NCAM1: variants seen among roughly 807,000 people sequenced by gnomAD.
NCAM1 encodes the protein antigen recognized by monoclonal antibody 5.1H11.
NCAM1 carries 14 observed loss-of-function variants against 109.8 expected under a neutral mutation model. The ratio of observed to expected loss-of-function variants is 0.13; its 90% CI spans 0.08 to 0.20. NCAM1 has a LOEUF of 0.20. Ranked by LOEUF, NCAM1 falls within the 10% of genes least tolerant of loss-of-function variation. The probability of loss-of-function intolerance (pLI) is 1.00; values close to 1 mark genes in which losing one functional copy is unlikely to be tolerated. For missense variants in NCAM1, 774 were observed against 1,109.9 expected, an observed-to-expected ratio of 0.70 and a Z score of 4.30; for synonymous variants, 418 against 442.9, an observed-to-expected ratio of 0.94 and a Z score of 0.70.
At chr11:113,255,272 G>T (rs1363825021) in intron 15 of NCAM1, among the ~76,000 whole-genome samples, 7 of 152,166 alleles carry the variant, frequency 4.6e-5, no homozygotes, top group African/African-American at 7.2e-5. Flanking sequence ...GGGGCAAGTT[G>T]TGATTTATTT....
At chr11:113,211,182 TC>T (rs1331657708) in intron 7 of NCAM1, among the ~76,000 whole-genome samples, 2 of 152,150 alleles carry the variant, frequency 1.3e-5, no homozygotes, top group African/African-American at 4.8e-5. Context: ...CTCTTTTATT[TC>T]CTTTCCAGCC....
chr11:113,271,523 C>T (rs949044835), intron 18 of NCAM1, among the ~76,000 whole-genome samples: 1 of 152,076 alleles, frequency 6.6e-6, no homozygotes, highest in Admixed American at 6.5e-5. Flanking sequence ...ATTCTCATAA[C>T]TAGGCAAAGT....
chr11:113,224,851 G>A (rs623617), intron 9 of NCAM1, among the ~76,000 whole-genome samples: 53,409 of 152,108 alleles, frequency 0.35, 12,780 homozygotes, highest in African/African-American at 0.69. Context: ...GGCAAACTCC[G>A]ACAGACCTGC....
chr11:113,207,319 G>A lies in NCAM1; in HGVS notation c.687G>A (p.Gln229=). 6.2e-7 allele frequency: 1 copy of A among 1,614,046 alleles called. No homozygotes were observed. The highest frequency in any genetic ancestry group is 8.5e-7 in the Non-Finnish European group (1 of 1,179,902). The change falls in exon 6 of 20, where the codon CAG becomes CAA. Residue 229 remains glutamine (Q), a synonymous_variant. Coordinates refer to ENST00000316851, the MANE Select transcript of NCAM1 (RefSeq NM_181351.5). ...NIVNATANLG[Q]SVTLVCDAEG... is the part of the protein sequence containing the mutation. ...TGAATGCCACCGCCAACCTCGGCCA[G>A]TCCGTCACCCTGGTGTGCGATGCCG...
chr11:113,236,270 T>C, intron 14 of NCAM1: 1 of 1,613,054 alleles, frequency 6.2e-7, no homozygotes, highest in Non-Finnish European at 8.5e-7. Flanking sequence ...GTTTTTTCTT[T>C]TCGTCTGTGT....
intron 1 of NCAM1, among the ~76,000 whole-genome samples, chr11:113,170,805 T>G (rs1265540455): frequency 6.6e-6 from 1 of 152,176 alleles, no homozygotes; most frequent in Non-Finnish European, 1.5e-5. Context: ...AGAATTCTCT[T>G]TGGTGGAAAA....
Position 113,271,848 on chromosome 11 carries a change from A to G in NCAM1, c.2428A>G (p.Asn810Asp). Residue 810 changes from asparagine to aspartate, a missense_variant, in exon 19 of 20, where the codon AAC (asparagine) becomes GAC (aspartate). Physicochemically the swap from Asn to Asp is conservative, Grantham distance 23. Around this residue, in one of 4 missense-constraint regions of NCAM1, gnomAD observed 122 missense variants for 129.7 expected, o/e 0.94. Coordinates refer to ENST00000316851, the MANE Select transcript of NCAM1 (RefSeq NM_181351.5). The part of the protein sequence containing the change: ...NHDGGKHTEP[N>D]ETTPLTEPEK... ...TGATGGAGGGAAACACACAGAGCCCAACGAGACCACGCCACTGACGGAGCC... is the reference window on the plus strand; with the variant it reads ...TGATGGAGGGAAACACACAGAGCCCGACGAGACCACGCCACTGACGGAGCC... The G allele has an allele frequency of 1.9e-6, 3 of 1,571,860 alleles. No individual in the cohort carries two copies. The highest frequency in any genetic ancestry group is 2.6e-6 in the Non-Finnish European group (3 of 1,158,980).
rs1269756854 is a variant in NCAM1, at chr11:113,140,762, T to G, written c.53-61617T>G. 1.3e-5 allele frequency among the ~76,000 whole-genome samples: 2 copies of G among 152,242 alleles called. 1 individual carries two copies. Among genetic ancestry groups the G allele is most frequent in the Non-Finnish European group, 2.9e-5 (2 of 68,046 alleles). On this transcript the variant is annotated intron_variant, in intron 1 of 19. Coordinates refer to ENST00000316851, the MANE Select transcript of NCAM1 (RefSeq NM_181351.5). ...ATTTGTAAGTAACTTTTGCGTGTTCTCCTTCCATATATGTGTATTTATTGT... is the reference window on the plus strand; with the variant it reads ...ATTTGTAAGTAACTTTTGCGTGTTCGCCTTCCATATATGTGTATTTATTGT...
intron 7 of NCAM1, among the ~76,000 whole-genome samples, chr11:113,213,817 A>G (rs1176049357): frequency 6.6e-6 from 1 of 152,198 alleles, no homozygotes; most frequent in Admixed American, 6.5e-5. Flanking sequence ...ATGTCCCTAG[A>G]TTAACCTTCT....
Position 113,234,651 on chromosome 11 carries a change from C to T in NCAM1, c.1694-382C>T, listed in dbSNP as rs553380147. The stretch of plus-strand genomic sequence containing the variant: ...TTCCTTCCTGTTTAAGGTGGAATAA[C>T]ATTCCATTGTATGTCTATGCCACAT... On this transcript the variant is annotated intron_variant, in intron 13 of 19. Transcript: ENST00000316851. Among the ~76,000 whole-genome samples, 4 of 152,366 alleles carry T rather than the reference C, an allele frequency of 2.6e-5. 1 individual carries two copies. The South Asian group carries it at 8.3e-4, about 32-fold the overall frequency.
intron 1 of NCAM1, among the ~76,000 whole-genome samples, chr11:113,026,309 G>A (rs990947430): frequency 6.6e-6 from 1 of 152,196 alleles, no homozygotes; most frequent in Non-Finnish European, 1.5e-5. Context: ...TGAAGTCACA[G>A]TGGACCTAGA....
At chr11:113,110,994 C>T (rs782500697) in intron 1 of NCAM1, among the ~76,000 whole-genome samples, 10 of 152,214 alleles carry the variant, frequency 6.6e-5, no homozygotes, top group South Asian at 6.2e-4. Flanking sequence ...AATGACTTTG[C>T]GAGATGGGCA....
At chr11:113,078,130 T>C (rs1456757081) in intron 1 of NCAM1, among the ~76,000 whole-genome samples, 1 of 152,162 alleles carries the variant, frequency 6.6e-6, no homozygotes, top group Non-Finnish European at 1.5e-5. Flanking sequence ...AAATCAAGTG[T>C]CGGCAGGACT....
At chr11:113,007,283 C>A (rs1436334877) in intron 1 of NCAM1, among the ~76,000 whole-genome samples, 2 of 152,110 alleles carry the variant, frequency 1.3e-5, no homozygotes, top group Non-Finnish European at 2.9e-5. Context: ...TAGCCTCAAC[C>A]TTCTGGGCTC....
intron 10 of NCAM1, 51 bp from the exon 11 acceptor site, chr11:113,232,119 G>A: frequency 6.7e-7 from 1 of 1,499,816 alleles, no homozygotes; most frequent in Non-Finnish European, 9.0e-7. Flanking sequence ...CAGGATATGG[G>A]GGCTTCATAA....
intron 1 of NCAM1, among the ~76,000 whole-genome samples, chr11:113,196,980 T>G (rs2136809015): frequency 6.6e-6 from 1 of 152,252 alleles, no homozygotes; most frequent in Non-Finnish European, 1.5e-5. Context: ...CTTGGGAAAC[T>G]TACAATCATG....
chr11:113,013,035 T>A (rs1450483277), intron 1 of NCAM1, among the ~76,000 whole-genome samples: 1 of 152,214 alleles, frequency 6.6e-6, no homozygotes, highest in Non-Finnish European at 1.5e-5. Context: ...TGGAATAATG[T>A]TAACAATTGA....
intron 18 of NCAM1, 86 bp from the exon 19 acceptor site, chr11:113,271,674 G>C (rs191197325): frequency 0.052 from 51,629 of 995,532 alleles, 2,360 homozygotes; most frequent in Admixed American, 0.21. Flanking sequence ...CACCGTGCCA[G>C]CCTTGGGTTG....
At chr11:113,163,128 C>A (rs192279434) in intron 1 of NCAM1, among the ~76,000 whole-genome samples, 6 of 152,192 alleles carry the variant, frequency 3.9e-5, no homozygotes, top group Non-Finnish European at 7.3e-5. Flanking sequence ...CTGGCAACCT[C>A]AAACTCTGCT....
Sources: allele counts gnomAD v4.1 joint callset (sites outside exome capture counted in the v4.1 genomes callset), GRCh38; gene constraint gnomAD v4.1.1; regional missense constraint gnomAD v4.1.1; transcripts MANE v1.5; gene names NCBI Gene and HGNC (gene_info 2026-07-23, HGNC 2026-07-21).